CACNA1C: variants seen among roughly 807,000 people sequenced by gnomAD.
CACNA1C encodes calcium voltage-gated channel subunit alpha1 C.
In CACNA1C, 30 loss-of-function variants were observed where a neutral mutation model predicts 229.0. That is an observed-to-expected ratio of 0.13 (90% CI 0.10 to 0.18). The LOEUF (loss-of-function observed/expected upper bound fraction) is 0.18, where lower values mean the gene tolerates loss of function less well. Among genes scored for constraint, CACNA1C ranks in the 10% least tolerant of loss-of-function variants. The pLI, the probability that CACNA1C is intolerant of heterozygous loss-of-function variation, is 1.00. For synonymous variants in CACNA1C, 1,114 were observed against 1,132.5 expected (o/e 0.98, Z 0.33); for missense variants, 1,658 against 2,845.0 (o/e 0.58, Z 9.49).
At chr12:2,623,836 C>G (rs1184060761) in intron 29 of CACNA1C, among the ~76,000 whole-genome samples, 1 of 152,206 alleles carries the variant, frequency 6.6e-6, no homozygotes, top group Non-Finnish European at 1.5e-5. Context: ...CAAGGACACC[C>G]CCTTCAGTTC....
At chr12:2,562,445 T>A (rs1447387773) in intron 11 of CACNA1C, among the ~76,000 whole-genome samples, 4 of 152,134 alleles carry the variant, frequency 2.6e-5, no homozygotes, top group African/African-American at 4.8e-5. Flanking sequence ...CAGATATGAG[T>A]TTGTCCTGAA....
intron 5 of CACNA1C, among the ~76,000 whole-genome samples, chr12:2,461,053 C>G (rs1278316440): frequency 2.6e-5 from 4 of 152,224 alleles, no homozygotes; most frequent in Admixed American, 1.3e-4. Context: ...TTATCTCTTT[C>G]TGTATTTCAG....
chr12:2,439,275 G>A (rs1169989778), intron 3 of CACNA1C, among the ~76,000 whole-genome samples: 1 of 152,214 alleles, frequency 6.6e-6, no homozygotes, highest in Non-Finnish European at 1.5e-5. Flanking sequence ...AGGCAGCATT[G>A]TGGCAAAGGT....
intron 3 of CACNA1C, among the ~76,000 whole-genome samples, chr12:2,192,601 T>C (rs563095240): frequency 6.1e-4 from 93 of 152,362 alleles, no homozygotes; most frequent in Middle Eastern, 6.8e-3. Flanking sequence ...TTTAATTTCA[T>C]TAAAGTTAAT....
At chr12:2,551,252 T>G (rs2099901640) in intron 10 of CACNA1C, among the ~76,000 whole-genome samples, 1 of 152,040 alleles carries the variant, frequency 6.6e-6, no homozygotes, top group South Asian at 2.1e-4. Flanking sequence ...CAGGAGGGAC[T>G]AGGGAGCTGG....
At chr12:2,313,183 C>T (rs767816266) in intron 3 of CACNA1C, among the ~76,000 whole-genome samples, 1 of 152,112 alleles carries the variant, frequency 6.6e-6, no homozygotes, top group Admixed American at 6.6e-5. Flanking sequence ...CACTTTGCTC[C>T]CAAGGATTGA....
chr12:2,293,730 A>G (rs2093734981), intron 3 of CACNA1C, among the ~76,000 whole-genome samples: 1 of 152,192 alleles, frequency 6.6e-6, no homozygotes, highest in African/African-American at 2.4e-5. Context: ...GCTTTGGCTT[A>G]TTCTTTTTCA....
At chr12:2,202,386 A>G (rs2097605292) in intron 3 of CACNA1C, among the ~76,000 whole-genome samples, 2 of 152,222 alleles carry the variant, frequency 1.3e-5, no homozygotes, top group South Asian at 2.1e-4. Flanking sequence ...AATCAATGCT[A>G]TTGTACACGT....
chr12:2,069,870 T>C (rs1022366000), intron 1 of CACNA1C, among the ~76,000 whole-genome samples: 8 of 152,102 alleles, frequency 5.3e-5, no homozygotes, highest in Non-Finnish European at 8.8e-5. Flanking sequence ...CAGGCTGGAG[T>C]GCAGTCATGT....
chr12:2,282,801 G>A (rs1241682156), intron 3 of CACNA1C, among the ~76,000 whole-genome samples: 1 of 152,186 alleles, frequency 6.6e-6, no homozygotes, highest in African/African-American at 2.4e-5. Flanking sequence ...TCAAGTAACA[G>A]GATACTTAAG....
At chr12:2,140,595 T>TC (rs1168100469) in intron 3 of CACNA1C, among the ~76,000 whole-genome samples, 1 of 151,276 alleles carries the variant, frequency 6.6e-6, no homozygotes, top group Non-Finnish European at 1.5e-5. Context: ...TGTTTGTTCA[T>TC]TTTTCTTAAT....
At chr12:2,237,251 A>T (rs1327813882) in intron 3 of CACNA1C, among the ~76,000 whole-genome samples, 2 of 152,200 alleles carry the variant, frequency 1.3e-5, no homozygotes, top group Non-Finnish European at 2.9e-5. Context: ...GCAACCTGTT[A>T]TCTCTTCTCT....
intron 3 of CACNA1C, among the ~76,000 whole-genome samples, chr12:2,386,416 C>G (rs1448252982): frequency 1.3e-5 from 2 of 152,218 alleles, no homozygotes; most frequent in East Asian, 1.9e-4. Context: ...TTCCCCCCAA[C>G]TTTCTTCAGT....
chr12:2,620,062 T>C (rs1478864130), intron 29 of CACNA1C, among the ~76,000 whole-genome samples: 4 of 152,202 alleles, frequency 2.6e-5, no homozygotes, highest in Non-Finnish European at 5.9e-5. Flanking sequence ...GCAAACAACA[T>C]ATATTGTCAA....
chr12:2,535,470 G>A (rs934441817), intron 9 of CACNA1C, among the ~76,000 whole-genome samples: 2 of 151,810 alleles, frequency 1.3e-5, no homozygotes, highest in Non-Finnish European at 2.9e-5. Flanking sequence ...AGGGCGAGGT[G>A]GGATGATCGC....
intron 1 of CACNA1C, among the ~76,000 whole-genome samples, chr12:2,112,690 A>G (rs1399858397): frequency 6.6e-6 from 1 of 151,890 alleles, no homozygotes; most frequent in Non-Finnish European, 1.5e-5. Context: ...CTCCAAGAGG[A>G]CCTGAGGGGT....
At chr12:2,445,474 C>T (rs1303179957) in intron 3 of CACNA1C, among the ~76,000 whole-genome samples, 2 of 152,188 alleles carry the variant, frequency 1.3e-5, no homozygotes, top group Non-Finnish European at 2.9e-5. Flanking sequence ...CTCTGGGTCT[C>T]CACATGTTCT....
At chr12:2,436,389 C>A (rs2099135190) in intron 3 of CACNA1C, among the ~76,000 whole-genome samples, 1 of 152,158 alleles carries the variant, frequency 6.6e-6, no homozygotes, top group South Asian at 2.1e-4. Flanking sequence ...GCCTCCTCAC[C>A]CCGGCCTCTC....
At chr12:2,478,405 T>G (rs1229965877) in intron 5 of CACNA1C, among the ~76,000 whole-genome samples, 1 of 152,290 alleles carries the variant, frequency 6.6e-6, no homozygotes, top group East Asian at 1.9e-4. Context: ...GCAGCTGCAG[T>G]GTCACTTGAG....
Sources: gnomAD v4.1 joint callset for allele counts (sites outside exome capture counted in the v4.1 genomes callset) on GRCh38, gnomAD v4.1.1 for gene constraint, MANE v1.5 for transcripts, NCBI Gene and HGNC (gene_info 2026-07-23, HGNC 2026-07-21) for gene names.